Variants in PHF21A observed in about 807,000 individuals in gnomAD.
PHF21A encodes PHD finger protein 21A.
In PHF21A, 11 loss-of-function variants were observed where a neutral mutation model predicts 82.5. The observed-to-expected ratio is 0.13, with a 90% CI of 0.08 to 0.22. PHF21A has a LOEUF of 0.22. Ranked by LOEUF, PHF21A falls within the 10% of genes least tolerant of loss-of-function variation. The probability of loss-of-function intolerance (pLI) is 1.00; values close to 1 mark genes in which losing one functional copy is unlikely to be tolerated. For missense variants in PHF21A, 579 were observed against 837.8 expected (o/e 0.69, Z 3.81); for synonymous variants, 297 against 302.8 (o/e 0.98, Z 0.20).
At chr11:45,976,976 G>A (rs1046612591) in intron 7 of PHF21A, among the ~76,000 whole-genome samples, 4 of 152,114 alleles carry the variant, frequency 2.6e-5, no homozygotes, top group African/African-American at 9.7e-5. Flanking sequence ...AAAAAAGGTT[G>A]GCAAAATCAA....
At chr11:46,024,182 TC>T (rs760379463) in intron 6 of PHF21A, among the ~76,000 whole-genome samples, 4 of 152,120 alleles carry the variant, frequency 2.6e-5, no homozygotes, top group Admixed American at 6.6e-5. Flanking sequence ...TTCTCCTCCT[TC>T]CCATCACAAC....
rs532855122 is a variant in PHF21A, at chr11:45,937,733, G to A, written c.1608+424C>T. 3.2e-4 allele frequency among the ~76,000 whole-genome samples: 49 copies of A among 152,280 alleles called. 2 individuals carry two copies. The South Asian group carries it at 8.3e-3, about 26-fold the overall frequency. The stretch of plus-strand genomic sequence containing the variant: ...TGACCTTAGGTGACCTGCCCGCCTT[G>A]GCCTCCCAAAGTGCTGAGATTACAG... On this transcript the variant is annotated intron_variant, in intron 16 of 18. Transcript: ENST00000676320.
At chr11:46,050,308 T>A (rs535252538) in intron 6 of PHF21A, among the ~76,000 whole-genome samples, 1 of 152,260 alleles carries the variant, frequency 6.6e-6, no homozygotes, top group Non-Finnish European at 1.5e-5. Flanking sequence ...TAGGGACTAA[T>A]ACCACTGGGT....
In PHF21A at chr11:46,003,788, C is replaced by T. The variant is rs562382414; in HGVS notation, c.154-23822G>A. Among the ~76,000 whole-genome samples, 10 of 152,302 alleles carry T rather than the reference C, an allele frequency of 6.6e-5. No homozygotes were observed. The Middle Eastern group carries it at 0.02, about 311-fold the overall frequency. On this transcript the variant is annotated intron_variant, in intron 6 of 18. Transcript: ENST00000676320. ...ACAAGTGCTTTTAAAAGCTTCATTACACTCTGCAGACATTTGCCCTTCATC... is the reference window on the plus strand; with the variant it reads ...ACAAGTGCTTTTAAAAGCTTCATTATACTCTGCAGACATTTGCCCTTCATC...
chr11:46,080,935 A>C (rs1476926981), intron 4 of PHF21A, among the ~76,000 whole-genome samples: 1 of 152,096 alleles, frequency 6.6e-6, no homozygotes, highest in Non-Finnish European at 1.5e-5. Flanking sequence ...AGTAGCTGAG[A>C]TTACAGGCGT....
chr11:46,096,391 C>A (rs2096996575), intron 1 of PHF21A, among the ~76,000 whole-genome samples: 1 of 150,518 alleles, frequency 6.6e-6, no homozygotes, highest in South Asian at 2.1e-4. Flanking sequence ...CATACTCCCT[C>A]TAATTCCTCT....
At chr11:46,079,273 G>T in intron 4 of PHF21A, 107 bp from the exon 5 acceptor site, 1 of 710,824 alleles carries the variant, frequency 1.4e-6, no homozygotes, top group East Asian at 2.6e-5. Flanking sequence ...ACAAAAAAAA[G>T]AGCAACACCA....
At chr11:45,997,246 C>A (rs889692904) in intron 6 of PHF21A, among the ~76,000 whole-genome samples, 1 of 152,062 alleles carries the variant, frequency 6.6e-6, no homozygotes, top group Admixed American at 6.6e-5. Context: ...TTTTCCTTTG[C>A]TTAATACCAT....
intron 2 of PHF21A, among the ~76,000 whole-genome samples, chr11:46,091,271 C>T (rs896055903): frequency 2.0e-5 from 3 of 152,204 alleles, no homozygotes; most frequent in East Asian, 1.9e-4. Context: ...TTGCACTAGG[C>T]GACTACCCTA....
intron 6 of PHF21A, among the ~76,000 whole-genome samples, chr11:46,021,408 C>G (rs539004392): frequency 6.6e-6 from 1 of 152,070 alleles, no homozygotes; most frequent in African/African-American, 2.4e-5. Context: ...AAACTATTAA[C>G]AAGTATACAC....
At position 45,934,015 on chromosome 11, in the gene PHF21A, A is replaced by G; in HGVS notation, c.1999T>C (p.Ser667Pro). The G allele has an allele frequency of 6.2e-7, 1 of 1,608,922 alleles. No homozygotes were observed. Among genetic ancestry groups the G allele is most frequent in the Non-Finnish European group, 8.5e-7 (1 of 1,177,488 alleles). ...ATSTPAPSPS[S>P]QSCTANCNQG... ...TTACAGTTCGCTGTGCAGCTCTGGGAGGAGGGGGAAGGGGCCGGCGTGGAG... is the reference window on the plus strand; with the variant it reads ...TTACAGTTCGCTGTGCAGCTCTGGGGGGAGGGGGAAGGGGCCGGCGTGGAG... The change falls in exon 19 of 19, where the codon TCC (serine) becomes CCC (proline). Residue 667 changes from serine (S) to proline (P), a missense_variant. Around this residue, in one of 3 missense-constraint regions of PHF21A, gnomAD observed 157 missense variants for 149.4 expected, o/e 1.05. Coordinates refer to ENST00000676320, the MANE Select transcript of PHF21A (RefSeq NM_001352027.3).
chr11:45,937,529 G>A (rs550588941), intron 16 of PHF21A, among the ~76,000 whole-genome samples: 1 of 152,316 alleles, frequency 6.6e-6, no homozygotes, highest in South Asian at 2.1e-4. Flanking sequence ...CACCCAGGCT[G>A]GAGTGCAGTG....
chr11:46,039,991 A>T (rs1405081285), intron 6 of PHF21A, among the ~76,000 whole-genome samples: 1 of 152,184 alleles, frequency 6.6e-6, no homozygotes, highest in African/African-American at 2.4e-5. Context: ...ATTTTTTGGG[A>T]AAAAGAGATT....
chr11:45,965,170 A>T, intron 10 of PHF21A, 145 bp downstream of exon 10: 1 of 697,910 alleles, frequency 1.4e-6, no homozygotes, highest in South Asian at 1.9e-5. Flanking sequence ...CTGCACGTGG[A>T]TGAATTATCG....
At chr11:46,103,994 C>T (rs1202547899) in intron 1 of PHF21A, among the ~76,000 whole-genome samples, 1 of 152,152 alleles carries the variant, frequency 6.6e-6, no homozygotes, top group Non-Finnish European at 1.5e-5. Context: ...TCATAATCAA[C>T]TTGTTCTCAG....
chr11:45,938,794 CAAT>C (rs2089719481), intron 15 of PHF21A, among the ~76,000 whole-genome samples: 1 of 151,508 alleles, frequency 6.6e-6, no homozygotes, highest in Admixed American at 6.6e-5. Context: ...GTAACTGAAA[CAAT>C]AAGAAGTGAA....
At position 45,934,215 on chromosome 11, in the gene PHF21A, T is replaced by G. The variant is rs771682088; in HGVS notation, c.1799A>C (p.Glu600Ala). 17 of 1,612,666 alleles carry G rather than the reference T, an allele frequency of 1.1e-5. No homozygotes were observed. The highest frequency in any genetic ancestry group is 1.4e-5 in the Non-Finnish European group (17 of 1,179,868). Residue 600 changes from glutamate (E) to alanine (A), a missense_variant, in exon 19 of 19, where the codon GAA becomes GCA. By Grantham distance (107) the Glu-to-Ala change is moderately radical. Coordinates refer to ENST00000676320, the MANE Select transcript of PHF21A (RefSeq NM_001352027.3). The stretch of plus-strand genomic sequence containing the variant: ...CCGGGCCAGGATGGTGTTCTTCATT[T>G]CCATGCATTTCTGCAGCAAATGACA... ...QLSNSISKCMEMKNTILARQK... is the reference protein window; with the variant it reads ...QLSNSISKCMAMKNTILARQK...
chr11:46,068,972 T>A (rs1330008599), intron 6 of PHF21A, among the ~76,000 whole-genome samples: 2 of 152,144 alleles, frequency 1.3e-5, no homozygotes, highest in African/African-American at 4.8e-5. Flanking sequence ...CATCTCTTTC[T>A]CAAAGAGATA....
intron 6 of PHF21A, among the ~76,000 whole-genome samples, chr11:46,054,518 C>G (rs535907396): frequency 9.9e-5 from 15 of 152,158 alleles, no homozygotes; most frequent in Non-Finnish European, 1.2e-4. Context: ...TAAGGTGCAG[C>G]CCTGTATGCA....
Sources: allele counts gnomAD v4.1 joint callset (sites outside exome capture counted in the v4.1 genomes callset), GRCh38; gene constraint gnomAD v4.1.1; regional missense constraint gnomAD v4.1.1; transcripts MANE v1.5; gene names NCBI Gene and HGNC (gene_info 2026-07-23, HGNC 2026-07-21).